The following UBR3 variants were observed in gnomAD, a reference collection of about 807,000 sequenced individuals.
UBR3 encodes the protein ubiquitin protein ligase E3 component n-recognin 3.
A neutral mutation model predicts 243.2 loss-of-function variants in UBR3; 85 were observed. The observed-to-expected ratio is 0.35, with a 90% CI of 0.29 to 0.42. The LOEUF (loss-of-function observed/expected upper bound fraction) is 0.42. UBR3 is among the 10% of genes least tolerant of loss of function. The pLI is 1.00. For missense variants in UBR3, 1,686 were observed against 2,300.8 expected (o/e 0.73, Z 5.47); for synonymous variants, 748 against 799.8 (o/e 0.94, Z 1.09).
chr2:169,931,133 C>T (rs1293184654), intron 18 of UBR3, among the ~76,000 whole-genome samples: 2 of 151,972 alleles, frequency 1.3e-5, no homozygotes, highest in African/African-American at 2.4e-5. Flanking sequence ...GGGTGGATCA[C>T]GAGGTCAGGA....
chr2:169,881,938 A>ATG (rs2083870365), intron 5 of UBR3, among the ~76,000 whole-genome samples: 1 of 107,670 alleles, frequency 9.3e-6, no homozygotes, highest in Admixed American at 1.1e-4. Context: ...TACATATAAT[A>ATG]TAATTACATA....
chr2:169,854,110 A>T (rs2082757824), intron 1 of UBR3, among the ~76,000 whole-genome samples: 1 of 152,172 alleles, frequency 6.6e-6, no homozygotes, highest in Non-Finnish European at 1.5e-5. Context: ...TGTGTGCAGC[A>T]AACCACCATG....
chr2:170,046,636 CA>C (rs1177623089), intron 32 of UBR3, among the ~76,000 whole-genome samples: 1 of 152,170 alleles, frequency 6.6e-6, no homozygotes, highest in Non-Finnish European at 1.5e-5. Flanking sequence ...CTTTATGTGA[CA>C]GTAGAAGCTA....
rs762260066 is a variant in UBR3 at position 170,065,622 on chromosome 2, T to A, written c.5019+4179T>A. ...CAAGTAAGTCTGGAGCATTTTTTTT[T>A]ATAAAGCTAATTAATTCTAGAGGCT... On this transcript the variant is annotated intron_variant, in intron 35 of 38. Transcript: ENST00000272793. Among the ~76,000 whole-genome samples the A allele has an allele frequency of 1.6e-3, 248 of 152,306 alleles. 1 individual carries two copies. The highest frequency in any genetic ancestry group is 2.7e-3 in the Non-Finnish European group (181 of 68,022).
chr2:169,944,546 C>T (rs2086714069), intron 20 of UBR3, among the ~76,000 whole-genome samples: 1 of 152,128 alleles, frequency 6.6e-6, no homozygotes, highest in Admixed American at 6.5e-5. Context: ...CTTGATTTTA[C>T]TACTAGTAAT....
intron 1 of UBR3, among the ~76,000 whole-genome samples, chr2:169,855,347 A>T (rs114617370): frequency 0.057 from 8,605 of 151,710 alleles, 291 homozygotes; most frequent in Non-Finnish European, 0.084. Flanking sequence ...TTAATTTTTT[A>T]ATTTTTATTT....
intron 32 of UBR3, among the ~76,000 whole-genome samples, chr2:170,044,752 A>ATTCT (rs1334511324): frequency 5.3e-5 from 8 of 152,132 alleles, no homozygotes; most frequent in African/African-American, 1.9e-4. Context: ...ACAGCACCAG[A>ATTCT]TTCTTTATGG....
At chr2:169,988,222 A>G (rs955592751) in intron 25 of UBR3, among the ~76,000 whole-genome samples, 2 of 152,242 alleles carry the variant, frequency 1.3e-5, no homozygotes, top group African/African-American at 4.8e-5. Flanking sequence ...ATAGTTATCA[A>G]TGTAATGATT....
rs781640089 is a variant in UBR3 at position 169,866,362 on chromosome 2, GT to G, written c.546-5867del. Among the ~76,000 whole-genome samples the G allele has an allele frequency of 2.3e-4, 34 of 148,598 alleles. No homozygotes were observed. In the South Asian group the frequency reaches 7.3e-3, roughly 32 times the overall value. ...TGTCCTAGCTGGAAGAAGTTTTTTT[GT>G]TTTTTTGTTTTTTTTTTTGAGATGA... On this transcript the variant is annotated intron_variant, in intron 1 of 38. Coordinates refer to ENST00000272793, the MANE Select transcript of UBR3 (RefSeq NM_172070.4).
intron 26 of UBR3, 30 bp downstream of exon 26, chr2:169,994,486 G>A (rs1241353187): frequency 1.3e-6 from 2 of 1,573,858 alleles, no homozygotes; most frequent in African/African-American, 2.7e-5. Context: ...TAGTACTTTT[G>A]TCTGCCAAGT....
At chr2:169,972,387 A>T (rs1189942712) in intron 24 of UBR3, among the ~76,000 whole-genome samples, 2 of 152,296 alleles carry the variant, frequency 1.3e-5, no homozygotes, top group African/African-American at 4.8e-5. Flanking sequence ...CAATAGAAAA[A>T]GAGGGAATCC....
chr2:170,015,945 C>G (rs905766602), intron 30 of UBR3, among the ~76,000 whole-genome samples: 2 of 151,636 alleles, frequency 1.3e-5, no homozygotes, highest in Non-Finnish European at 3.0e-5. Context: ...ATTTTTTAGT[C>G]ATTGTTTAGA....
At chr2:170,036,943 C>G (rs945967213) in intron 31 of UBR3, among the ~76,000 whole-genome samples, 2 of 152,082 alleles carry the variant, frequency 1.3e-5, no homozygotes, top group African/African-American at 4.8e-5. Context: ...ACTTTTATAA[C>G]TAGTATTACA....
At chr2:169,834,808 G>A (rs774544705) in intron 1 of UBR3, among the ~76,000 whole-genome samples, 2 of 152,164 alleles carry the variant, frequency 1.3e-5, no homozygotes, top group African/African-American at 2.4e-5. Flanking sequence ...TGGAATATAC[G>A]TACAATGGAA....
intron 28 of UBR3, 90 bp from the exon 29 acceptor site, chr2:170,008,711 CCTA>C (rs1336090086): frequency 1.1e-5 from 7 of 624,810 alleles, no homozygotes; most frequent in African/African-American, 1.9e-5. Context: ...ATTTTAATTT[CCTA>C]CTATGTTCAT....
chr2:170,000,911 G>GA (rs1051669049), intron 26 of UBR3, among the ~76,000 whole-genome samples: 53 of 152,106 alleles, frequency 3.5e-4, no homozygotes, highest in African/African-American at 1.1e-3. Flanking sequence ...TAAACCAGAG[G>GA]AAAGTAGGCG....
intron 11 of UBR3, among the ~76,000 whole-genome samples, chr2:169,920,038 T>C (rs1456759923): frequency 6.6e-6 from 1 of 152,116 alleles, no homozygotes; most frequent in Non-Finnish European, 1.5e-5. Context: ...CTATTCACAA[T>C]AGCAAAGACT....
chr2:170,045,669 C>T (rs1166495669), intron 32 of UBR3, among the ~76,000 whole-genome samples: 1 of 152,130 alleles, frequency 6.6e-6, no homozygotes, highest in African/African-American at 2.4e-5. Flanking sequence ...TATTTATTTA[C>T]AAGCATACAT....
At chr2:169,964,767 C>A in intron 24 of UBR3, 1 of 420,884 alleles carries the variant, frequency 2.4e-6, no homozygotes. Flanking sequence ...ATTTGAATGT[C>A]ATAAGTGCAA....
Sources: gnomAD v4.1 joint callset for allele counts (sites outside exome capture counted in the v4.1 genomes callset) on GRCh38, gnomAD v4.1.1 for gene constraint, MANE v1.5 for transcripts, NCBI Gene and HGNC (gene_info 2026-07-23, HGNC 2026-07-21) for gene names.